The following ZNF618 variants were observed in gnomAD, a reference collection of about 807,000 sequenced individuals.
ZNF618 encodes the protein zinc finger protein 618.
A neutral mutation model predicts 103.0 loss-of-function variants in ZNF618; 34 were observed. The observed-to-expected ratio is 0.33, with a 90% CI of 0.25 to 0.44. The LOEUF (loss-of-function observed/expected upper bound fraction) is 0.44. Ranked by LOEUF, ZNF618 falls within the 20% of genes least tolerant of loss-of-function variation. The pLI is 1.00. For missense variants in ZNF618, 1,059 were observed against 1,295.4 expected (o/e 0.82, Z 2.80); for synonymous variants, 551 against 542.2 (o/e 1.02, Z -0.23).
intron 2 of ZNF618, among the ~76,000 whole-genome samples, chr9:113,982,996 T>G (rs10441748): frequency 0.23 from 35,025 of 152,176 alleles, 4,493 homozygotes; most frequent in Middle Eastern, 0.44. Flanking sequence ...GAAGTGTGAC[T>G]CGGGTTAAAT....
intron 1 of ZNF618, among the ~76,000 whole-genome samples, chr9:113,888,530 A>T (rs1829291763): frequency 6.6e-6 from 1 of 152,276 alleles, no homozygotes; most frequent in African/African-American, 2.4e-5. Context: ...ATGCAAATTT[A>T]TGCCCAGACA....
chr9:113,890,328 C>G (rs538257101), intron 1 of ZNF618, among the ~76,000 whole-genome samples: 1 of 152,310 alleles, frequency 6.6e-6, no homozygotes, highest in African/African-American at 2.4e-5. Flanking sequence ...CAAGCCATCT[C>G]TACATATTTA....
intron 1 of ZNF618, among the ~76,000 whole-genome samples, chr9:113,966,900 G>C (rs556692687): frequency 1.4e-4 from 22 of 152,308 alleles, no homozygotes; most frequent in Admixed American, 1.2e-3. Flanking sequence ...TTATGAAAAT[G>C]GGTGGAAAAC....
At chr9:113,906,409 A>G (rs1051236643) in intron 1 of ZNF618, among the ~76,000 whole-genome samples, 1 of 152,116 alleles carries the variant, frequency 6.6e-6, no homozygotes, top group African/African-American at 2.4e-5. Context: ...TCGCTCTTCC[A>G]TGCTATAGTC....
chr9:113,895,162 T>C (rs534705743), intron 1 of ZNF618, among the ~76,000 whole-genome samples: 225 of 151,860 alleles, frequency 1.5e-3, no homozygotes, highest in Non-Finnish European at 2.7e-3. Context: ...TGGAGGTGAG[T>C]GATACGATAG....
At chr9:114,005,880 A>G (rs1339351393) in intron 6 of ZNF618, among the ~76,000 whole-genome samples, 2 of 152,124 alleles carry the variant, frequency 1.3e-5, no homozygotes, top group Non-Finnish European at 1.5e-5. Context: ...TCCCCAAATT[A>G]TGGGGGAAAA....
intron 13 of ZNF618, among the ~76,000 whole-genome samples, chr9:114,036,904 G>A (rs760232792): frequency 1.3e-5 from 2 of 152,206 alleles, no homozygotes; most frequent in Admixed American, 6.5e-5. Flanking sequence ...CTTGAGCACA[G>A]ATTTCTAGGC....
At chr9:113,938,564 C>G (rs375676497) in intron 1 of ZNF618, among the ~76,000 whole-genome samples, 1 of 77,690 alleles carries the variant, frequency 1.3e-5, no homozygotes, top group Admixed American at 1.4e-4. Flanking sequence ...ATTATATTTT[C>G]TTTTTTTCTT....
chr9:114,035,611 C>A (rs1588423344), intron 12 of ZNF618, among the ~76,000 whole-genome samples: 2 of 83,652 alleles, frequency 2.4e-5, no homozygotes, highest in African/African-American at 1.1e-4. Flanking sequence ...TTCCTTCTGT[C>A]CTTCTCCCTC....
intron 2 of ZNF618, among the ~76,000 whole-genome samples, chr9:113,983,559 G>A (rs1204136062): frequency 2.0e-5 from 3 of 152,160 alleles, no homozygotes; most frequent in African/African-American, 7.2e-5. Context: ...GGCTGGTCAC[G>A]CAGCTGCAGC....
chr9:113,954,904 T>C (rs1424336360), intron 1 of ZNF618, among the ~76,000 whole-genome samples: 1 of 152,166 alleles, frequency 6.6e-6, no homozygotes, highest in Non-Finnish European at 1.5e-5. Context: ...CCCTCTATGG[T>C]CCACTCCCAG....
At chr9:113,878,687 G>T (rs556005961) in intron 1 of ZNF618, among the ~76,000 whole-genome samples, 1 of 152,286 alleles carries the variant, frequency 6.6e-6, no homozygotes, top group African/African-American at 2.4e-5. Context: ...CTTGCAGGGC[G>T]GGATCTTGGA....
At chr9:113,924,306 G>A (rs765446105) in intron 1 of ZNF618, among the ~76,000 whole-genome samples, 2 of 151,966 alleles carry the variant, frequency 1.3e-5, no homozygotes, top group Non-Finnish European at 2.9e-5. Context: ...TTGTGGGCAA[G>A]GAGTTGTATA....
intron 10 of ZNF618, among the ~76,000 whole-genome samples, chr9:114,020,833 T>C (rs1401468119): frequency 6.6e-6 from 1 of 152,058 alleles, no homozygotes; most frequent in Non-Finnish European, 1.5e-5. Context: ...CAGTACAATG[T>C]TGAATAGAAG....
intron 1 of ZNF618, among the ~76,000 whole-genome samples, chr9:113,892,643 T>C (rs980813942): frequency 1.3e-5 from 2 of 152,206 alleles, no homozygotes; most frequent in East Asian, 3.9e-4. Flanking sequence ...TAGAATTGGG[T>C]TTATAAATAA....
At chr9:113,898,627 A>C (rs935339444) in intron 1 of ZNF618, among the ~76,000 whole-genome samples, 2 of 151,638 alleles carry the variant, frequency 1.3e-5, no homozygotes, top group Middle Eastern at 3.2e-3. Context: ...GGGTCTTGCT[A>C]TGTTGCCCAG....
intron 1 of ZNF618, among the ~76,000 whole-genome samples, chr9:113,920,538 A>G (rs1457316616): frequency 6.6e-6 from 1 of 151,730 alleles, no homozygotes; most frequent in East Asian, 1.9e-4. Flanking sequence ...CGTAGCTGGG[A>G]TTACAGGCGC....
At chr9:114,029,017 C>T (rs1390863686) in intron 11 of ZNF618, 45 bp downstream of exon 11, 2 of 1,525,630 alleles carry the variant, frequency 1.3e-6, no homozygotes, top group Admixed American at 2.0e-5. Flanking sequence ...CCCCACTGCC[C>T]TTCTCACCAC....
chr9:113,984,486 G>A (rs1050072939), intron 2 of ZNF618, among the ~76,000 whole-genome samples: 16 of 152,214 alleles, frequency 1.1e-4, no homozygotes, highest in Non-Finnish European at 2.1e-4. Flanking sequence ...AGGGTGTAGG[G>A]GTGGGCAGAT....
Sources: allele counts gnomAD v4.1 joint callset (sites outside exome capture counted in the v4.1 genomes callset), GRCh38; gene constraint gnomAD v4.1.1; transcripts MANE v1.5; gene names NCBI Gene and HGNC (gene_info 2026-07-23, HGNC 2026-07-21).